OTOA: variants seen among roughly 807,000 people sequenced by gnomAD.
OTOA encodes the protein otoancorin.
In OTOA, 70 loss-of-function variants were observed where a neutral mutation model predicts 110.8. The ratio of observed to expected loss-of-function variants is 0.63; its 90% CI spans 0.52 to 0.77. The LOEUF is 0.77. Among genes scored for constraint, OTOA ranks in the 30% least tolerant of loss-of-function variants. The probability of loss-of-function intolerance (pLI) is 0.00; values close to 1 mark genes in which losing one functional copy is unlikely to be tolerated. For missense variants in OTOA, 917 were observed against 1,075.8 expected (o/e 0.85, Z 2.06); for synonymous variants, 373 against 431.5 (o/e 0.86, Z 1.68).
chr16:21,701,159 T>A, intron 11 of OTOA, 132 bp downstream of exon 11: 1 of 1,365,838 alleles, frequency 7.3e-7, no homozygotes, highest in Non-Finnish European at 1.0e-6. Context: ...GTCCCATATT[T>A]CTCTGTGCAT....
At chr16:21,725,743 C>T (rs1051532722) in intron 18 of OTOA, among the ~76,000 whole-genome samples, 3 of 152,082 alleles carry the variant, frequency 2.0e-5, no homozygotes, top group South Asian at 2.1e-4. Context: ...TTGAGTAGGC[C>T]GGATGGGTTT....
chr16:21,665,501 C>T (rs1047122458), intron 1 of OTOA, among the ~76,000 whole-genome samples: 2 of 152,262 alleles, frequency 1.3e-5, no homozygotes, highest in African/African-American at 2.4e-5. Context: ...AACCCCCTCC[C>T]TGCCATTCGC....
intron 15 of OTOA, among the ~76,000 whole-genome samples, chr16:21,717,442 TA>T (rs542140800): frequency 4.6e-5 from 7 of 151,430 alleles, no homozygotes; most frequent in Admixed American, 3.3e-4. Flanking sequence ...CCCTGTCTCT[TA>T]AAAAAAAAGT....
chr16:21,705,469 C>G (rs1898144929), intron 12 of OTOA, 177 bp downstream of exon 12: 1 of 947,736 alleles, frequency 1.1e-6, no homozygotes, highest in East Asian at 2.7e-5. Flanking sequence ...GAAGCCCAGA[C>G]AGAAAATAGC....
intron 1 of OTOA, among the ~76,000 whole-genome samples, chr16:21,670,895 C>A (rs956156036): frequency 6.6e-6 from 1 of 151,956 alleles, no homozygotes; most frequent in African/African-American, 2.4e-5. Flanking sequence ...TCCTCTGGGC[C>A]GAGGAACAGC....
chr16:21,735,992 G>A (rs568622227), intron 21 of OTOA, among the ~76,000 whole-genome samples: 2 of 152,236 alleles, frequency 1.3e-5, no homozygotes, highest in Non-Finnish European at 2.9e-5. Flanking sequence ...TTAAGTATTA[G>A]CACTTCATTT....
At chr16:21,720,923 C>CATT (rs1204377953) in intron 17 of OTOA, among the ~76,000 whole-genome samples, 1 of 86,382 alleles carries the variant, frequency 1.2e-5, no homozygotes, top group Non-Finnish European at 2.5e-5. Flanking sequence ...TTATTATTAT[C>CATT]ATTATTATTA....
intron 6 of OTOA, among the ~76,000 whole-genome samples, chr16:21,684,049 G>A (rs1490075737): frequency 3.3e-5 from 5 of 151,854 alleles, no homozygotes; most frequent in South Asian, 2.1e-4. Flanking sequence ...TTACAGGTGT[G>A]GGCCACCTTG....
At chr16:21,695,699 G>T (rs994267268) in intron 9 of OTOA, among the ~76,000 whole-genome samples, 1 of 151,266 alleles carries the variant, frequency 6.6e-6, no homozygotes, top group African/African-American at 2.4e-5. Context: ...TCTGCAAATA[G>T]CTCTTGATGT....
At chr16:21,670,832 A>G (rs2141646089) in intron 1 of OTOA, among the ~76,000 whole-genome samples, 1 of 152,280 alleles carries the variant, frequency 6.6e-6, no homozygotes, top group East Asian at 1.9e-4. Context: ...TTCATTGAAG[A>G]CTTGAAATTT....
Position 21,749,936 on chromosome 16 carries a change from C to T in OTOA, c.2776-1999C>T, listed in dbSNP as rs1292623092. ...CTGACTTTAAGTGATCCTCCTGCTT[C>T]GGCCTCCCAAAGTGCTGGGATTACA... On this transcript the variant is annotated intron_variant, in intron 24 of 28. Transcript: ENST00000646100. Among the ~76,000 whole-genome samples, 10 of 144,212 alleles carry T rather than the reference C, an allele frequency of 6.9e-5. No homozygotes were observed. The South Asian group carries it at 7.2e-4, about 10-fold the overall frequency. The allele number at this position is 144,212 out of a possible 152,430, so 94.6% of individuals were successfully genotyped here.
chr16:21,736,295 T>C lies in OTOA; in HGVS notation c.2336T>C (p.Met779Thr), dbSNP rs1232788274. The C allele has an allele frequency of 7.4e-6, 12 of 1,613,940 alleles. No homozygotes were observed. The highest frequency in any genetic ancestry group is 9.3e-6 in the Non-Finnish European group (11 of 1,179,932). ...PEILLQAASKMARTLPTKEFL... is the reference protein window; with the variant it reads ...PEILLQAASKTARTLPTKEFL... ...ATCCTTCTGCAAGCAGCTTCCAAGA[T>C]GGCCAGGACCCTGCCCACTAAAGAA... The change falls in exon 22 of 29, where the codon ATG becomes ACG. Residue 779 changes from methionine (M) to threonine (T), a missense_variant. Met to Thr is a moderately conservative substitution (Grantham distance 81, BLOSUM62 -1). Around this residue, in one of 6 missense-constraint regions of OTOA, gnomAD observed 57 missense variants for 59.7 expected, o/e 0.96. Transcript: ENST00000646100.
intron 27 of OTOA, among the ~76,000 whole-genome samples, chr16:21,756,768 T>G (rs1899999264): frequency 2.0e-5 from 3 of 151,802 alleles, no homozygotes; most frequent in Admixed American, 1.3e-4. Context: ...GTTCAGATAT[T>G]GTTGGCGGAC....
chr16:21,747,405 G>A (rs1436701422), intron 24 of OTOA: 5 of 111,050 alleles, frequency 4.5e-5, no homozygotes, highest in African/African-American at 1.1e-4. Flanking sequence ...GTTTGAAGAG[G>A]ATATGAAAAC....
chr16:21,668,586 G>A (rs540717479), intron 1 of OTOA, among the ~76,000 whole-genome samples: 3 of 150,496 alleles, frequency 2.0e-5, no homozygotes, highest in Non-Finnish European at 3.0e-5. Context: ...TCAGCCTCCC[G>A]AGTAGCTGGG....
chr16:21,723,104 G>C (rs1444790676), intron 18 of OTOA, 126 bp downstream of exon 18: 1 of 889,786 alleles, frequency 1.1e-6, no homozygotes, highest in Non-Finnish European at 1.8e-6. Context: ...GGATGCCTTA[G>C]AGAGTTAAGC....
intron 17 of OTOA, chr16:21,721,536 G>A (rs190984005): frequency 3.2e-4 from 145 of 454,892 alleles, no homozygotes; most frequent in African/African-American, 2.7e-3. Flanking sequence ...GTGAGCAACT[G>A]TGTTTCAGAG....
intron 12 of OTOA, among the ~76,000 whole-genome samples, chr16:21,709,253 G>A (rs1898282822): frequency 6.6e-6 from 1 of 152,066 alleles, no homozygotes; most frequent in Non-Finnish European, 1.5e-5. Flanking sequence ...CCAACATGGT[G>A]AAACCCTGTC....
chr16:21,698,000 C>CAATA, intron 10 of OTOA, 125 bp downstream of exon 10: 2 of 810,608 alleles, frequency 2.5e-6, no homozygotes, highest in South Asian at 1.4e-5. Context: ...CTCCTCAGCC[C>CAATA]AATAGACCTT....
Sources: allele counts gnomAD v4.1 joint callset (sites outside exome capture counted in the v4.1 genomes callset), GRCh38; gene constraint gnomAD v4.1.1; regional missense constraint gnomAD v4.1.1; transcripts MANE v1.5; gene names NCBI Gene and HGNC (gene_info 2026-07-23, HGNC 2026-07-21).